ADAMTS17: variants seen among roughly 807,000 people sequenced by gnomAD.
ADAMTS17 encodes ADAM metallopeptidase with thrombospondin type 1 motif 17.
In ADAMTS17, 113 loss-of-function variants were observed where a neutral mutation model predicts 141.5. The observed-to-expected ratio is 0.80, with a 90% CI of 0.69 to 0.93. The LOEUF is 0.93. Among genes scored for constraint, ADAMTS17 ranks in the 40% least tolerant of loss-of-function variants. ADAMTS17 has a pLI of 0.00. For missense variants in ADAMTS17, 1,659 were observed against 1,517.9 expected (o/e 1.09, Z -1.54); for synonymous variants, 768 against 630.6 (o/e 1.22, Z -3.27).
At chr15:100,211,277 T>C (rs1381602238) in intron 7 of ADAMTS17, among the ~76,000 whole-genome samples, 4 of 97,640 alleles carry the variant, frequency 4.1e-5, no homozygotes, top group South Asian at 3.1e-4. Flanking sequence ...GCCCGGGCAA[T>C]AGAGCAAGAC....
At position 99,974,484 on chromosome 15, in the gene ADAMTS17, T is replaced by C. The variant is rs1280144958; in HGVS notation, c.3206A>G (p.Asp1069Gly). 1 of 1,614,216 alleles carries C rather than the reference T, an allele frequency of 6.2e-7. No individual in the cohort carries two copies. Among genetic ancestry groups the C allele is most frequent in the Admixed American group, 1.7e-5 (1 of 60,032 alleles). ...RVIREKNLCQ[D>G]MRWYQRCCQT... ...GCAGCAGCGCTGGTACCACCGCATG[T>C]CCTGGCAGAGGTTCTTTTCTCGGAT... The change falls in exon 22 of 22, where the codon GAC becomes GGC. Residue 1069 changes from aspartate (D) to glycine (G), a missense_variant. Coordinates refer to ENST00000268070, the MANE Select transcript of ADAMTS17 (RefSeq NM_139057.4).
chr15:100,105,984 C>T (rs1261701323), intron 14 of ADAMTS17, among the ~76,000 whole-genome samples: 1 of 150,226 alleles, frequency 6.7e-6, no homozygotes, highest in South Asian at 2.2e-4. Context: ...TGCCACCACA[C>T]CTGGCCTCAA....
intron 15 of ADAMTS17, among the ~76,000 whole-genome samples, chr15:100,057,987 C>A (rs2032737192): frequency 6.6e-6 from 1 of 152,006 alleles, no homozygotes; most frequent in Non-Finnish European, 1.5e-5. Context: ...ACGATGAGGG[C>A]AGAACAGGCG....
At chr15:100,340,065 C>G (rs556710934) in intron 2 of ADAMTS17, among the ~76,000 whole-genome samples, 1 of 152,238 alleles carries the variant, frequency 6.6e-6, no homozygotes, top group Admixed American at 6.5e-5. Context: ...ACTGCCTCCC[C>G]AGAGGCCAGT....
intron 18 of ADAMTS17, among the ~76,000 whole-genome samples, chr15:100,042,288 A>C (rs1022716919): frequency 6.6e-6 from 1 of 152,222 alleles, no homozygotes; most frequent in African/African-American, 2.4e-5. Flanking sequence ...GCCATGCAAT[A>C]ATTCAAATTT....
chr15:100,115,574 G>A (rs1015475542), intron 13 of ADAMTS17, among the ~76,000 whole-genome samples: 1 of 152,178 alleles, frequency 6.6e-6, no homozygotes, highest in African/African-American at 2.4e-5. Context: ...AAGAGGATGG[G>A]TCAGGCTGTT....
At chr15:100,025,441 T>C (rs1158305375) in intron 18 of ADAMTS17, among the ~76,000 whole-genome samples, 10 of 151,524 alleles carry the variant, frequency 6.6e-5, no homozygotes, top group Non-Finnish European at 1.5e-4. Context: ...AGACAGACTT[T>C]CACTCTTTTG....
At chr15:100,110,689 G>T (rs1196839602) in intron 13 of ADAMTS17, among the ~76,000 whole-genome samples, 4 of 152,128 alleles carry the variant, frequency 2.6e-5, no homozygotes, top group Non-Finnish European at 5.9e-5. Flanking sequence ...CATCTATGTG[G>T]TTACTTTGCA....
At chr15:100,126,073 G>C (rs2037717637) in intron 12 of ADAMTS17, 1 of 152,274 alleles carries the variant, frequency 6.6e-6, no homozygotes, top group Admixed American at 6.5e-5. Context: ...TTTCGTCAGA[G>C]CTTGGCTCTG....
At chr15:100,087,088 C>T (rs1256909360) in intron 15 of ADAMTS17, among the ~76,000 whole-genome samples, 1 of 152,046 alleles carries the variant, frequency 6.6e-6, no homozygotes, top group Non-Finnish European at 1.5e-5. Context: ...ATTGATAGAC[C>T]ACTAGCAAGA....
intron 8 of ADAMTS17, among the ~76,000 whole-genome samples, chr15:100,167,463 C>G (rs535885058): frequency 6.6e-6 from 1 of 152,196 alleles, no homozygotes; most frequent in East Asian, 1.9e-4. Context: ...GAAAACCCTC[C>G]CAATTCCAGG....
chr15:100,292,819 G>A (rs1461814112), intron 3 of ADAMTS17, among the ~76,000 whole-genome samples: 1 of 152,046 alleles, frequency 6.6e-6, no homozygotes, highest in African/African-American at 2.4e-5. Flanking sequence ...ACCAGAGGGG[G>A]AAAAAAAGAA....
intron 15 of ADAMTS17, among the ~76,000 whole-genome samples, chr15:100,065,350 A>C (rs1356824373): frequency 6.6e-6 from 1 of 152,220 alleles, no homozygotes; most frequent in African/African-American, 2.4e-5. Context: ...AAAATTCAAA[A>C]ATTATAAAAG....
chr15:100,203,572 G>A (rs1181948504), intron 7 of ADAMTS17, among the ~76,000 whole-genome samples: 1 of 152,196 alleles, frequency 6.6e-6, no homozygotes, highest in East Asian at 1.9e-4. Context: ...GGGTGTGGTG[G>A]CAGGTGCCTG....
At chr15:100,226,632 G>A (rs2042322191) in intron 7 of ADAMTS17, among the ~76,000 whole-genome samples, 1 of 152,172 alleles carries the variant, frequency 6.6e-6, no homozygotes, top group South Asian at 2.1e-4. Context: ...TGATATGCCT[G>A]GAAAGGAGAG....
chr15:100,022,130 G>A (rs2061417191), intron 18 of ADAMTS17, among the ~76,000 whole-genome samples: 1 of 152,134 alleles, frequency 6.6e-6, no homozygotes, highest in Non-Finnish European at 1.5e-5. Context: ...TGTGAAATGG[G>A]TTGAAACTCA....
At chr15:100,325,588 G>A (rs866866418) in intron 3 of ADAMTS17, among the ~76,000 whole-genome samples, 9 of 152,120 alleles carry the variant, frequency 5.9e-5, no homozygotes, top group East Asian at 1.9e-4. Context: ...TGCCATCCCC[G>A]TGGTGATGAG....
chr15:100,205,662 G>A (rs1044017711), intron 7 of ADAMTS17, among the ~76,000 whole-genome samples: 1 of 152,166 alleles, frequency 6.6e-6, no homozygotes, highest in Non-Finnish European at 1.5e-5. Context: ...GACATCAGAG[G>A]AGCCTTGAAA....
At position 100,054,032 on chromosome 15, in the gene ADAMTS17, C is replaced by T. The variant is rs763582797; in HGVS notation, c.2160G>A (p.Gly720=). ...RGTALKDSGK[G]SINSDWKIEL... is the part of the protein sequence containing the mutation. The stretch of plus-strand genomic sequence containing the variant: ...CTATCTTCCAGTCACTGTTGATGGA[C>T]CCCTTACCCGAGTCTTTGAGAGCTA... Residue 720 remains glycine, a synonymous_variant, in exon 16 of 22, where the codon GGG becomes GGA. Coordinates refer to ENST00000268070, the MANE Select transcript of ADAMTS17 (RefSeq NM_139057.4). 2.1e-5 allele frequency: 34 copies of T among 1,614,174 alleles called. No individual in the cohort carries two copies. The South Asian group carries it at 3.6e-4, about 17-fold the overall frequency.
Sources: gnomAD v4.1 joint callset for allele counts (sites outside exome capture counted in the v4.1 genomes callset) on GRCh38, gnomAD v4.1.1 for gene constraint, MANE v1.5 for transcripts, NCBI Gene and HGNC (gene_info 2026-07-23, HGNC 2026-07-21) for gene names.